The following SH3GLB1 variants were observed in gnomAD, a reference collection of about 807,000 sequenced individuals.
SH3GLB1 encodes SH3 domain containing GRB2 like, endophilin B1.
In SH3GLB1, 17 loss-of-function variants were observed where a neutral mutation model predicts 42.0. The observed-to-expected ratio is 0.40, with a 90% CI of 0.28 to 0.61. The LOEUF (loss-of-function observed/expected upper bound fraction) is 0.61. SH3GLB1 is among the 20% of genes least tolerant of loss of function. The pLI is 0.36. For synonymous variants in SH3GLB1, 132 were observed against 146.6 expected (o/e 0.90, Z 0.72); for missense variants, 355 against 426.3 (o/e 0.83, Z 1.47).
chr1:86,726,439 C>G (rs1655197951), intron 5 of SH3GLB1, among the ~76,000 whole-genome samples: 1 of 151,824 alleles, frequency 6.6e-6, no homozygotes, highest in Non-Finnish European at 1.5e-5. Flanking sequence ...TTTGAGATAT[C>G]TAGAAAAGAT....
chr1:86,730,602 C>T (rs552495585), intron 5 of SH3GLB1, among the ~76,000 whole-genome samples: 183 of 152,118 alleles, frequency 1.2e-3, no homozygotes, highest in African/African-American at 4.3e-3. Context: ...TGGGTTCAAC[C>T]GATTCTCCTG....
intron 1 of SH3GLB1, among the ~76,000 whole-genome samples, chr1:86,705,841 C>T (rs1361538877): frequency 6.6e-6 from 1 of 152,182 alleles, no homozygotes; most frequent in Admixed American, 6.5e-5. Context: ...CTGGTGTTTA[C>T]GGTCACGGTA....
Position 86,714,161 on chromosome 1 carries a change from A to T in SH3GLB1, c.73-1563A>T, listed in dbSNP as rs150633041. On this transcript the variant is annotated intron_variant, in intron 1 of 8. Transcript: ENST00000370558. ...AAGGTATTCCCTTTCTTCCCTTCCT[A>T]TTGGTCACTTTATCTGGGAGTTATT... Among the ~76,000 whole-genome samples, 211 of 152,136 alleles carry T rather than the reference A, an allele frequency of 1.4e-3. 3 individuals are homozygous for T. In the East Asian group the frequency reaches 0.03, roughly 22 times the overall value.
intron 4 of SH3GLB1, 28 bp downstream of exon 4, chr1:86,722,701 A>G: frequency 6.4e-7 from 1 of 1,558,542 alleles, no homozygotes; most frequent in Non-Finnish European, 8.7e-7. Flanking sequence ...CCCTTTATTT[A>G]GTAAAATCAT....
At chr1:86,736,928 A>G (rs951694761) in intron 7 of SH3GLB1, among the ~76,000 whole-genome samples, 1 of 152,196 alleles carries the variant, frequency 6.6e-6, no homozygotes. Context: ...ACATTCAAAA[A>G]CTATTTATGA....
intron 1 of SH3GLB1, among the ~76,000 whole-genome samples, chr1:86,714,936 A>T (rs899083790): frequency 1.3e-5 from 2 of 152,240 alleles, no homozygotes; most frequent in Non-Finnish European, 2.9e-5. Flanking sequence ...CTCAAATACC[A>T]GTATATTCAA....
chr1:86,731,723 T>A (rs1005009225), intron 5 of SH3GLB1, among the ~76,000 whole-genome samples: 4 of 152,096 alleles, frequency 2.6e-5, no homozygotes, highest in Non-Finnish European at 5.9e-5. Flanking sequence ...AAGAAACCTA[T>A]CAAAATGGAT....
rs10489890 is a variant in SH3GLB1, at chr1:86,746,257, A to C, written c.*3022A>C. 13,754 of 152,244 alleles carry C rather than the reference A, an allele frequency of 0.09. 946 individuals are homozygous for C. Among genetic ancestry groups the C allele is most frequent in the African/African-American group, 0.19 (7,921 of 41,418 alleles). 9.4% of individuals were successfully genotyped at this position (152,244 alleles called of 1,614,324 possible). Reference sequence around the variant, plus strand: ...GGATAAACTGTGGAGTGGAGAAGACAATGGAGGGCAAGGCAAAAACCCACA... The same window carrying C: ...GGATAAACTGTGGAGTGGAGAAGACCATGGAGGGCAAGGCAAAAACCCACA... On this transcript the variant is annotated 3_prime_UTR_variant, in exon 9 of 9. Coordinates refer to ENST00000370558, the MANE Select transcript of SH3GLB1 (RefSeq NM_016009.5).
At chr1:86,728,419 G>C (rs753267678) in intron 5 of SH3GLB1, 3 of 1,557,440 alleles carry the variant, frequency 1.9e-6, no homozygotes, top group South Asian at 2.4e-5. Context: ...AACTCAGCTC[G>C]CCTTGAAGGA....
intron 3 of SH3GLB1, among the ~76,000 whole-genome samples, chr1:86,721,793 A>G (rs1321545079): frequency 6.6e-6 from 1 of 151,958 alleles, no homozygotes; most frequent in Non-Finnish European, 1.5e-5. Flanking sequence ...TCCATGGGGG[A>G]TTGGATCCAG....
chr1:86,723,404 C>T (rs539826518), intron 4 of SH3GLB1, among the ~76,000 whole-genome samples: 1 of 152,068 alleles, frequency 6.6e-6, no homozygotes. Context: ...ATTCCAGCTA[C>T]TTGGGAAGCT....
At chr1:86,714,722 A>T (rs1418746239) in intron 1 of SH3GLB1, among the ~76,000 whole-genome samples, 1 of 152,208 alleles carries the variant, frequency 6.6e-6, no homozygotes, top group Non-Finnish European at 1.5e-5. Context: ...GTCAGCCAGA[A>T]GTGAGTCATT....
rs1165438979 is a variant in SH3GLB1 at position 86,724,874 on chromosome 1, TAAAAAAAAAAAAA to T, written c.570+476_570+488del. Among the ~76,000 whole-genome samples, 253 of 97,682 alleles carry T rather than the reference TAAAAAAAAAAAAA, an allele frequency of 2.6e-3. 5 individuals carry two copies. Among genetic ancestry groups the T allele is most frequent in the African/African-American group, 9.6e-3 (194 of 20,126 alleles). The allele number at this position is 97,682 out of a possible 152,430, so 64.1% of individuals were successfully genotyped here. ...GGGCAACAGAGCCAGACCCTGTCTT[TAAAAAAAAAAAAA>T]AAAAAATATATATATATATATATAT... On this transcript the variant is annotated intron_variant, in intron 5 of 8. Coordinates refer to ENST00000370558, the MANE Select transcript of SH3GLB1 (RefSeq NM_016009.5).
chr1:86,711,429 C>T (rs1384009708), intron 1 of SH3GLB1, among the ~76,000 whole-genome samples: 2 of 151,854 alleles, frequency 1.3e-5, no homozygotes, highest in African/African-American at 4.8e-5. Flanking sequence ...GCCACTTTGC[C>T]ATATTACAAA....
chr1:86,720,899 T>G (rs1178659371), intron 3 of SH3GLB1, among the ~76,000 whole-genome samples: 1 of 152,230 alleles, frequency 6.6e-6, no homozygotes, highest in Admixed American at 6.5e-5. Context: ...TTGAAAATGC[T>G]TAGAACTTCA....
In SH3GLB1 at chr1:86,745,027, A is replaced by T. The variant is rs1028207691; in HGVS notation, c.*1792A>T. ...ACCATCTATTGTGTTTTATAAGTCC[A>T]GATTTAGGCTTTGAAAGATCATACC... On this transcript the variant is annotated 3_prime_UTR_variant, in exon 9 of 9. Transcript: ENST00000370558. The T allele has an allele frequency of 6.6e-6, 1 of 152,222 alleles. No individual in the cohort carries two copies. Among genetic ancestry groups the T allele is most frequent in the African/African-American group, 2.4e-5 (1 of 41,450 alleles). The allele number at this position is 152,222 out of a possible 1,614,324, so 9.4% of individuals were successfully genotyped here.
rs113511904 is a variant in SH3GLB1 at position 86,732,114 on chromosome 1, GAGTA to G, written c.571-2487_571-2484del. 5.3e-5 allele frequency among the ~76,000 whole-genome samples: 8 copies of G among 152,246 alleles called. 1 individual carries two copies. Among genetic ancestry groups the G allele is most frequent in the African/African-American group, 1.7e-4 (7 of 41,544 alleles). ...TAAATGTTAAGACTTTACATTCCTG[GAGTA>G]TTTTAAGATTTTAAGCCATATGAAT... is the stretch of plus-strand genomic sequence containing the variant. On this transcript the variant is annotated intron_variant, in intron 5 of 8. Coordinates refer to ENST00000370558, the MANE Select transcript of SH3GLB1 (RefSeq NM_016009.5).
At chr1:86,722,743 G>A in intron 4 of SH3GLB1, 70 bp downstream of exon 4, 1 of 1,345,142 alleles carries the variant, frequency 7.4e-7, no homozygotes, top group South Asian at 1.6e-5. Flanking sequence ...TGAATAATTT[G>A]GCCTCTTAAT....
At chr1:86,724,979 AAT>A (rs973525874) in intron 5 of SH3GLB1, among the ~76,000 whole-genome samples, 8 of 145,302 alleles carry the variant, frequency 5.5e-5, no homozygotes, top group Middle Eastern at 3.6e-3. Flanking sequence ...ATATATATAA[AAT>A]ATATATATGT....
Sources: allele counts gnomAD v4.1 joint callset (sites outside exome capture counted in the v4.1 genomes callset), GRCh38; gene constraint gnomAD v4.1.1; transcripts MANE v1.5; gene names NCBI Gene and HGNC (gene_info 2026-07-23, HGNC 2026-07-21).